The following RBFOX2 variants were observed in gnomAD, a reference collection of about 807,000 sequenced individuals.
RBFOX2 encodes RNA binding fox-1 homolog 2.
RBFOX2 carries 10 observed loss-of-function variants against 49.1 expected under a neutral mutation model. The observed-to-expected ratio is 0.20, with a 90% CI of 0.13 to 0.35. RBFOX2 has a LOEUF of 0.35. Ranked by LOEUF, RBFOX2 falls within the 10% of genes least tolerant of loss-of-function variation. RBFOX2 has a pLI of 1.00. For missense variants in RBFOX2, 323 were observed against 486.9 expected, an observed-to-expected ratio of 0.66 and a Z score of 3.17; for synonymous variants, 183 against 187.4, an observed-to-expected ratio of 0.98 and a Z score of 0.19.
intron 1 of RBFOX2, among the ~76,000 whole-genome samples, chr22:35,988,233 C>G (rs891095609): frequency 1.3e-5 from 2 of 152,180 alleles, no homozygotes; most frequent in African/African-American, 4.8e-5. Flanking sequence ...ATATTCCATA[C>G]AGATAAGGTT....
chr22:35,995,415 A>G (rs867128579), intron 1 of RBFOX2: 67 of 152,210 alleles, frequency 4.4e-4, no homozygotes, highest in African/African-American at 1.6e-3. Flanking sequence ...TCCTAGGATC[A>G]TAGCTTTCAA....
intron 2 of RBFOX2, among the ~76,000 whole-genome samples, chr22:35,795,628 CAA>C (rs139555281): frequency 6.0e-4 from 20 of 33,572 alleles, no homozygotes; most frequent in African/African-American, 1.7e-3. Flanking sequence ...TGTAGAAAAG[CAA>C]AAAAAAAAAA....
chr22:36,001,218 CACACACACACACACACT>C (rs1025687428), intron 1 of RBFOX2, among the ~76,000 whole-genome samples: 1 of 148,132 alleles, frequency 6.8e-6, no homozygotes, highest in African/African-American at 2.5e-5. Flanking sequence ...CACACACACA[CACACACACACACACACT>C]ATATGTATAT....
chr22:35,832,456 C>T (rs1215635325), intron 1 of RBFOX2, among the ~76,000 whole-genome samples: 1 of 152,148 alleles, frequency 6.6e-6, no homozygotes, highest in African/African-American at 2.4e-5. Context: ...ACTTAATACT[C>T]ATAACTGTAG....
chr22:35,963,073 A>C (rs1404509206), upstream of RBFOX2, among the ~76,000 whole-genome samples: 1 of 126,630 alleles, frequency 7.9e-6, no homozygotes, highest in African/African-American at 3.0e-5. Flanking sequence ...AAAAAAAAAA[A>C]AAAAAAAAAA....
At chr22:35,924,926 C>A (rs1028341878) in intron 1 of RBFOX2, among the ~76,000 whole-genome samples, 2 of 152,172 alleles carry the variant, frequency 1.3e-5, no homozygotes, top group African/African-American at 4.8e-5. Context: ...GTAATCCCAG[C>A]ACTCTGGGAA....
chr22:35,814,403 G>A (rs1040074766), intron 1 of RBFOX2, among the ~76,000 whole-genome samples: 3 of 151,932 alleles, frequency 2.0e-5, no homozygotes, highest in Non-Finnish European at 1.5e-5. Context: ...TTGTTATGCT[G>A]TAGTGTTTAG....
At chr22:35,932,428 A>C (rs1245950797) in intron 1 of RBFOX2, among the ~76,000 whole-genome samples, 4 of 152,244 alleles carry the variant, frequency 2.6e-5, no homozygotes, top group Non-Finnish European at 4.4e-5. Flanking sequence ...CTCTGAATTT[A>C]AATCTATAAT....
chr22:35,854,056 C>CA (rs1603413797), intron 1 of RBFOX2, among the ~76,000 whole-genome samples: 1 of 151,858 alleles, frequency 6.6e-6, no homozygotes, highest in South Asian at 2.1e-4. Context: ...GTTAAAAATA[C>CA]AAAAAATTAG....
chr22:35,961,643 T>A (rs546608643), exon 1 of RBFOX2: 1 of 1,304,000 alleles, frequency 7.7e-7, no homozygotes, highest in East Asian at 5.6e-5. Context: ...ACCCTGCTGC[T>A]CTCCCCTTGC....
chr22:35,890,827 T>G (rs754323609), intron 1 of RBFOX2, among the ~76,000 whole-genome samples: 1 of 151,800 alleles, frequency 6.6e-6, no homozygotes, highest in Non-Finnish European at 1.5e-5. Context: ...AAAAATCAGG[T>G]TCTCCCAAAA....
At chr22:35,740,661 C>T (rs1929452321) in exon 12 of RBFOX2, 1 of 152,546 alleles carries the variant, frequency 6.6e-6, no homozygotes, top group Non-Finnish European at 1.5e-5. Flanking sequence ...CAAAGCTTCC[C>T]CTTTCTCCTC....
At chr22:35,847,117 T>TGTC (rs1354306904) in intron 1 of RBFOX2, among the ~76,000 whole-genome samples, 1 of 152,178 alleles carries the variant, frequency 6.6e-6, no homozygotes, top group Admixed American at 6.5e-5. Context: ...CTACATTCAT[T>TGTC]GTCCCTTAAA....
chr22:35,845,817 C>G (rs775867909), intron 1 of RBFOX2, among the ~76,000 whole-genome samples: 1 of 152,130 alleles, frequency 6.6e-6, no homozygotes, highest in African/African-American at 2.4e-5. Context: ...CTTTATCCAA[C>G]GGCATGCCAC....
chr22:35,786,141 T>A (rs1602747004), intron 2 of RBFOX2, among the ~76,000 whole-genome samples: 1 of 152,350 alleles, frequency 6.6e-6, no homozygotes, highest in Non-Finnish European at 1.5e-5. Flanking sequence ...TCACAGTGTA[T>A]GTGAAGTGGC....
chr22:35,981,532 C>G (rs1384048585), intron 1 of RBFOX2, among the ~76,000 whole-genome samples: 2 of 151,546 alleles, frequency 1.3e-5, no homozygotes, highest in African/African-American at 4.9e-5. Flanking sequence ...GTCACAGCTA[C>G]TCAGGAGGCT....
chr22:35,955,641 C>T (rs1421701634), intron 1 of RBFOX2, among the ~76,000 whole-genome samples: 1 of 152,092 alleles, frequency 6.6e-6, no homozygotes, highest in African/African-American at 2.4e-5. Flanking sequence ...CCCTCGCACG[C>T]GCAGTTCACA....
chr22:36,013,890 T>C (rs1200049161), intron 1 of RBFOX2, among the ~76,000 whole-genome samples: 1 of 152,114 alleles, frequency 6.6e-6, no homozygotes, highest in Non-Finnish European at 1.5e-5. Context: ...AGACATTTCA[T>C]TACATATGTA....
intron 1 of RBFOX2, among the ~76,000 whole-genome samples, chr22:35,958,152 CATT>C (rs1290833712): frequency 6.6e-6 from 1 of 152,104 alleles, no homozygotes; most frequent in Non-Finnish European, 1.5e-5. Flanking sequence ...AATTGATAGA[CATT>C]ATTTCAATTG....
Sources: gnomAD v4.1 joint callset for allele counts (sites outside exome capture counted in the v4.1 genomes callset) on GRCh38, gnomAD v4.1.1 for gene constraint, MANE v1.5 for transcripts, NCBI Gene and HGNC (gene_info 2026-07-23, HGNC 2026-07-21) for gene names.